CASZ1: variants seen among roughly 807,000 people sequenced by gnomAD.
The protein encoded by CASZ1 is zinc finger protein castor homolog 1.
CASZ1 carries 28 observed loss-of-function variants against 135.2 expected under a neutral mutation model. The observed-to-expected ratio is 0.21, with a 90% CI of 0.15 to 0.28. The LOEUF (loss-of-function observed/expected upper bound fraction) is 0.28. Ranked by LOEUF, CASZ1 falls within the 10% of genes least tolerant of loss-of-function variation. The pLI, the probability that CASZ1 is intolerant of heterozygous loss-of-function variation, is 1.00. For missense variants in CASZ1, 2,161 were observed against 2,453.3 expected (o/e 0.88, Z 2.52); for synonymous variants, 1,068 against 1,073.4 (o/e 0.99, Z 0.10).
At chr1:10,677,919 C>T (rs914815988) in intron 4 of CASZ1, among the ~76,000 whole-genome samples, 5 of 152,204 alleles carry the variant, frequency 3.3e-5, no homozygotes, top group African/African-American at 1.2e-4. Context: ...GCCAGGCTCC[C>T]CCGTTCTCCA....
chr1:10,640,133 G>T (rs1642152937), intron 20 of CASZ1, 74 bp from the exon 21 acceptor site: 2 of 1,526,354 alleles, frequency 1.3e-6, no homozygotes, highest in Admixed American at 1.9e-5. Context: ...CACCCACATG[G>T]GACCCCTGAT....
intron 2 of CASZ1, among the ~76,000 whole-genome samples, chr1:10,743,129 C>T (rs1436356774): frequency 6.6e-6 from 1 of 152,100 alleles, no homozygotes; most frequent in Non-Finnish European, 1.5e-5. Context: ...CCTATGGTCC[C>T]TGAAGCTCAG....
chr1:10,655,536 C>A, intron 9 of CASZ1, 113 bp downstream of exon 9: 1 of 1,007,764 alleles, frequency 9.9e-7, no homozygotes, highest in Admixed American at 2.5e-5. Context: ...GGCTCCTGAT[C>A]AACTGGGGTC....
chr1:10,750,824 G>A (rs902211162), intron 2 of CASZ1, among the ~76,000 whole-genome samples: 3 of 152,046 alleles, frequency 2.0e-5, no homozygotes, highest in African/African-American at 4.8e-5. Flanking sequence ...GCTTGAACCC[G>A]GAAGGCAGAG....
At chr1:10,729,155 C>G (rs2100503736) in intron 2 of CASZ1, among the ~76,000 whole-genome samples, 1 of 152,270 alleles carries the variant, frequency 6.6e-6, no homozygotes, top group African/African-American at 2.4e-5. Context: ...GCTCCTGCCC[C>G]CCAGGCCCTC....
At chr1:10,661,599 G>T (rs1450905412) in intron 5 of CASZ1, among the ~76,000 whole-genome samples, 1 of 134,332 alleles carries the variant, frequency 7.4e-6, no homozygotes, top group Non-Finnish European at 1.6e-5. Flanking sequence ...CACCCAACAC[G>T]GTCACATTCA....
intron 5 of CASZ1, among the ~76,000 whole-genome samples, chr1:10,663,527 G>C (rs1271959382): frequency 6.6e-6 from 1 of 152,240 alleles, no homozygotes; most frequent in Non-Finnish European, 1.5e-5. Context: ...CAGTGGCTCA[G>C]GGACCAGGGA....
At chr1:10,789,575 T>C (rs1640918647) in intron 1 of CASZ1, among the ~76,000 whole-genome samples, 1 of 151,288 alleles carries the variant, frequency 6.6e-6, no homozygotes, top group Non-Finnish European at 1.5e-5. Flanking sequence ...TCTCTCTCTC[T>C]CCCCGCACCT....
chr1:10,791,920 A>G (rs1640962813), intron 1 of CASZ1, among the ~76,000 whole-genome samples: 1 of 152,138 alleles, frequency 6.6e-6, no homozygotes, highest in African/African-American at 2.4e-5. Context: ...CACAATAATT[A>G]GCAAAGGGGA....
chr1:10,658,438 G>T, intron 7 of CASZ1, 70 bp downstream of exon 7: 2 of 1,297,132 alleles, frequency 1.5e-6, no homozygotes, highest in Non-Finnish European at 2.2e-6. Flanking sequence ...CAAACGAATG[G>T]CCTCAGAGTG....
chr1:10,656,714 C>T lies in CASZ1; in HGVS notation c.1432G>A (p.Gly478Ser), dbSNP rs558151388. 1 of 1,600,012 alleles carries T rather than the reference C, an allele frequency of 6.2e-7. No individual in the cohort carries two copies. The highest frequency in any genetic ancestry group is 1.3e-5 in the African/African-American group (1 of 74,928). Reference protein sequence around the residue: ...IARFSGSQHCGHIHCAYQYRE... With the variant: ...IARFSGSQHCSHIHCAYQYRE... Reference sequence around the variant, plus strand: ...TACTGGTAGGCACAGTGGATGTGGCCACAGTGCTGGCTGCCCGAGAACCTG... The same window carrying T: ...TACTGGTAGGCACAGTGGATGTGGCTACAGTGCTGGCTGCCCGAGAACCTG... Residue 478 changes from glycine (G) to serine (S), a missense_variant, in exon 8 of 21, where the codon GGC becomes AGC. Coordinates refer to ENST00000377022, the MANE Select transcript of CASZ1 (RefSeq NM_001079843.3).
intron 2 of CASZ1, among the ~76,000 whole-genome samples, chr1:10,749,578 C>G (rs1640111917): frequency 6.6e-6 from 1 of 152,160 alleles, no homozygotes; most frequent in Non-Finnish European, 1.5e-5. Context: ...AACTTCAAGA[C>G]AGCCCCATTT....
chr1:10,783,302 G>A (rs2100616607), intron 1 of CASZ1, among the ~76,000 whole-genome samples: 1 of 151,544 alleles, frequency 6.6e-6, no homozygotes, highest in East Asian at 1.9e-4. Context: ...TGTGCACATG[G>A]GCAAGCGTAT....
intron 4 of CASZ1, 26 bp from the exon 5 acceptor site, chr1:10,665,597 G>A: frequency 6.6e-7 from 1 of 1,517,490 alleles, no homozygotes; most frequent in South Asian, 1.3e-5. Context: ...AGAGCACGGA[G>A]GTCAGAGGCG....
intron 2 of CASZ1, among the ~76,000 whole-genome samples, chr1:10,753,776 A>T (rs1640193255): frequency 1.3e-5 from 2 of 152,202 alleles, no homozygotes; most frequent in Admixed American, 1.3e-4. Context: ...AAGAAGGGCG[A>T]TCCGGGCACA....
chr1:10,655,364 C>T (rs568940232), intron 9 of CASZ1, among the ~76,000 whole-genome samples: 4 of 152,374 alleles, frequency 2.6e-5, no homozygotes, highest in African/African-American at 9.6e-5. Context: ...GTGTTAAAGC[C>T]TGAAAAATGT....
intron 4 of CASZ1, among the ~76,000 whole-genome samples, chr1:10,674,114 G>A (rs1399112864): frequency 6.6e-6 from 1 of 152,254 alleles, no homozygotes; most frequent in Admixed American, 6.5e-5. Flanking sequence ...AGATGCTGGG[G>A]CAAGATGCCC....
In CASZ1 at chr1:10,759,354, C is replaced by G. The variant is rs879255746; in HGVS notation, c.-77+1347G>C. Among the ~76,000 whole-genome samples the G allele has an allele frequency of 3.3e-5, 5 of 152,172 alleles. No homozygotes were observed. The highest frequency in any genetic ancestry group is 6.5e-5 in the Admixed American group (1 of 15,284). Reference sequence around the variant, plus strand: ...GACTTCAGCGCCACGAAACTCCCCCCACGGCCTTTTCCAGGTGACAGTCTA... The same window carrying G: ...GACTTCAGCGCCACGAAACTCCCCCGACGGCCTTTTCCAGGTGACAGTCTA... On this transcript the variant is annotated intron_variant, in intron 2 of 20. Transcript: ENST00000377022. The surrounding 1 kb of genome is among the most constrained non-coding windows in gnomAD (Gnocchi z 4.2).
intron 2 of CASZ1, among the ~76,000 whole-genome samples, chr1:10,744,111 C>A (rs1639990959): frequency 6.6e-6 from 1 of 152,228 alleles, no homozygotes; most frequent in African/African-American, 2.4e-5. Context: ...TAGGGTACTC[C>A]CACCCCGACC....
Sources: allele counts gnomAD v4.1 joint callset (sites outside exome capture counted in the v4.1 genomes callset), GRCh38; gene constraint gnomAD v4.1.1; non-coding constraint Gnocchi (gnomAD v3.1); transcripts MANE v1.5; gene names NCBI Gene and HGNC (gene_info 2026-07-23, HGNC 2026-07-21).